NOD1: variants seen among roughly 807,000 people sequenced by gnomAD.
NOD1 encodes the protein nucleotide binding oligomerization domain containing 1, also known as nucleotide-binding oligomerization domain-containing protein 1.
In NOD1, 70 loss-of-function variants were observed where a neutral mutation model predicts 81.2. The ratio of observed to expected loss-of-function variants is 0.86; its 90% CI spans 0.71 to 1.05. The LOEUF (loss-of-function observed/expected upper bound fraction) is 1.05. Ranked by LOEUF, NOD1 falls within the 50% of genes least tolerant of loss-of-function variation. The pLI is 0.00. For missense variants in NOD1, 1,233 were observed against 1,228.0 expected, an observed-to-expected ratio of 1.00 and a Z score of -0.06; for synonymous variants, 508 against 526.9, an observed-to-expected ratio of 0.96 and a Z score of 0.49.
chr7:30,451,291 T>C lies in NOD1; in HGVS notation c.2126A>G (p.Asp709Gly), dbSNP rs1334029789. The C allele has an allele frequency of 1.9e-6, 3 of 1,614,106 alleles. No homozygotes were observed. Among genetic ancestry groups the C allele is most frequent in the Non-Finnish European group, 2.5e-6 (3 of 1,180,022 alleles). Residue 709 changes from aspartate to glycine, a missense_variant, in exon 6 of 14, where the codon GAC (aspartate) becomes GGC (glycine). Asp to Gly is a moderately conservative substitution (Grantham distance 94, BLOSUM62 -1). Coordinates refer to ENST00000222823, the MANE Select transcript of NOD1 (RefSeq NM_006092.4). This position sits in a 1 kb window ranked among gnomAD's most constrained non-coding sequence, Gnocchi z 4.2. ...GTCGTTGAGATTGTTGTTGTCTAGG[T>C]CTAGGGCCAGCCGCTTGGGGAAGTG... ...LHHFPKRLAL[D>G]LDNNNLNDYG...
At chr7:30,446,103 G>T (rs763123647) in intron 9 of NOD1, 38 bp downstream of exon 9, 1 of 1,473,186 alleles carries the variant, frequency 6.8e-7, no homozygotes. Flanking sequence ...CACACACACA[G>T]CAGGTTGTAC....
Position 30,451,106 on chromosome 7 carries a change from G to A in NOD1, c.2201+110C>T. 7.9e-7 allele frequency: 1 copy of A among 1,268,760 alleles called. No homozygotes were observed. Among genetic ancestry groups the A allele is most frequent in the Non-Finnish European group, 1.1e-6 (1 of 935,164 alleles). The allele number at this position is 1,268,760 out of a possible 1,614,324, so 78.6% of individuals were successfully genotyped here. On this transcript the variant is annotated intron_variant, in intron 6 of 13. Coordinates refer to ENST00000222823, the MANE Select transcript of NOD1 (RefSeq NM_006092.4). This position sits in a 1 kb window ranked among gnomAD's most constrained non-coding sequence, Gnocchi z 4.2. ...GAAAGAAAAGGTCTGGACATTCCAAGGGCCATGGTCATGAGTCCTGGGGGA... is the reference window on the plus strand; with the variant it reads ...GAAAGAAAAGGTCTGGACATTCCAAAGGCCATGGTCATGAGTCCTGGGGGA...
At chr7:30,450,197 G>A (rs978476432) in intron 6 of NOD1, among the ~76,000 whole-genome samples, 8 of 151,440 alleles carry the variant, frequency 5.3e-5, no homozygotes, top group Admixed American at 1.3e-4. Context: ...CCATTTGGGG[G>A]AGAAAAAAAA....
rs577883821 is a variant in NOD1 at position 30,460,687 on chromosome 7, G to A, written c.-351-646C>T. The A allele has an allele frequency of 5.0e-4, 488 of 985,426 alleles. 1 individual carries two copies. Among genetic ancestry groups the A allele is most frequent in the Admixed American group, 2.3e-3 (38 of 16,290 alleles). 61.0% of individuals were successfully genotyped at this position (985,426 alleles called of 1,614,324 possible). ...CCAAAAGCCATCTCCTGAGGCAAAGGCAGGTGGGGGTAGAGCCTGTGGGCA... is the reference window on the plus strand; with the variant it reads ...CCAAAAGCCATCTCCTGAGGCAAAGACAGGTGGGGGTAGAGCCTGTGGGCA... On this transcript the variant is annotated intron_variant, in intron 1 of 13. Transcript: ENST00000222823.
intron 9 of NOD1, among the ~76,000 whole-genome samples, chr7:30,439,615 A>T (rs1292766129): frequency 3.6e-5 from 3 of 83,500 alleles, no homozygotes; most frequent in East Asian, 3.6e-4. Flanking sequence ...ACGCCCACGG[A>T]ATCTCGCTGA....
rs577374590 is a variant in NOD1, at chr7:30,433,252, G to C, written c.2622-73C>G. On this transcript the variant is annotated intron_variant, in intron 11 of 13. Coordinates refer to ENST00000222823, the MANE Select transcript of NOD1 (RefSeq NM_006092.4). ...ACATTGTTTTAGAGTTCACAGGAGC[G>C]GGAGCTCAGCCCAAGGCTCTCCAGC... The C allele has an allele frequency of 2.5e-5, 30 of 1,221,382 alleles. 1 individual carries two copies. The highest frequency in any genetic ancestry group is 1.9e-4 in the Middle Eastern group (1 of 5,272). The allele number at this position is 1,221,382 out of a possible 1,614,324, so 75.7% of individuals were successfully genotyped here. A position where few individuals can be genotyped will look rare whatever the true frequency, so the allele number is the denominator to read the frequency against.
Position 30,437,732 on chromosome 7 carries a change from G to A in NOD1, c.2454-76C>T. ...GCTCACCCCTCCTTTTTTGCCAATGGCCACAGCTCAGTTCCTACTCAACAG... is the reference window on the plus strand; with the variant it reads ...GCTCACCCCTCCTTTTTTGCCAATGACCACAGCTCAGTTCCTACTCAACAG... On this transcript the variant is annotated intron_variant, in intron 9 of 13. Transcript: ENST00000222823. The A allele has an allele frequency of 2.9e-6, 3 of 1,025,498 alleles. No homozygotes were observed. The South Asian group carries it at 5.2e-5, about 18-fold the overall frequency. The allele number at this position is 1,025,498 out of a possible 1,614,324, so 63.5% of individuals were successfully genotyped here.
chr7:30,455,874 T>C (rs913809572), intron 4 of NOD1, among the ~76,000 whole-genome samples: 4 of 152,174 alleles, frequency 2.6e-5, no homozygotes, highest in Admixed American at 2.6e-4. Context: ...AGTGCTGGGA[T>C]TACAGGCGTG....
At chr7:30,463,219 T>C (rs1197843484) in intron 1 of NOD1, among the ~76,000 whole-genome samples, 1 of 152,212 alleles carries the variant, frequency 6.6e-6, no homozygotes, top group Non-Finnish European at 1.5e-5. Flanking sequence ...GCAACCCATA[T>C]GCTTGAAATC....
chr7:30,451,263 G>A lies in NOD1; in HGVS notation c.2154C>T (p.Tyr718=), dbSNP rs201102944. 108 of 1,614,102 alleles carry A rather than the reference G, an allele frequency of 6.7e-5. 1 individual carries two copies. The highest frequency in any genetic ancestry group is 6.4e-4 in the South Asian group (58 of 91,086). ...LDLDNNNLND[Y]GVRELQPCFS... is the part of the protein sequence containing the mutation. Reference sequence around the variant, plus strand: ...AGCAGGGCTGCAGCTCCCGCACGCCGTAGTCGTTGAGATTGTTGTTGTCTA... The same window carrying A: ...AGCAGGGCTGCAGCTCCCGCACGCCATAGTCGTTGAGATTGTTGTTGTCTA... The change falls in exon 6 of 14, where the codon TAC becomes TAT. Residue 718 remains tyrosine (Y), a synonymous_variant. Coordinates refer to ENST00000222823, the MANE Select transcript of NOD1 (RefSeq NM_006092.4). This position sits in a 1 kb window ranked among gnomAD's most constrained non-coding sequence, Gnocchi z 4.2.
At position 30,469,155 on chromosome 7, in the gene NOD1, A is replaced by G. The variant is rs544457191; in HGVS notation, c.-351-9114T>C. 8.7e-5 allele frequency: 86 copies of G among 985,392 alleles called. 1 individual carries two copies. The South Asian group carries it at 3.1e-3, about 35-fold the overall frequency. 61.0% of individuals were successfully genotyped at this position (985,392 alleles called of 1,614,324 possible). ...TTTCTTGCTTGGTTTACAATTTCTT[A>G]AGGAACTTAACCTGGAAAACAAGCC... On this transcript the variant is annotated intron_variant, in intron 1 of 13. Coordinates refer to ENST00000222823, the MANE Select transcript of NOD1 (RefSeq NM_006092.4).
chr7:30,453,082 G>A (rs1391038961), intron 5 of NOD1, 42 bp from the exon 6 acceptor site: 1 of 1,561,922 alleles, frequency 6.4e-7, no homozygotes, highest in Non-Finnish European at 8.7e-7. Flanking sequence ...AGGGTGAGGA[G>A]AGAGGCAGAA....
chr7:30,430,654 C>T (rs73309227), intron 12 of NOD1, among the ~76,000 whole-genome samples: 16,125 of 152,246 alleles, frequency 0.11, 2,036 homozygotes, highest in African/African-American at 0.31. Context: ...GAAATAAACG[C>T]ATCTGTCTGT....
In NOD1 at chr7:30,429,327, G is replaced by C. The variant is rs1302447412; in HGVS notation, c.2789+47C>G. ...TGCCTTGCACAGTCAGTGGTGGTGA[G>C]TAAACAGTCACTGGTGTTATTACTG... On this transcript the variant is annotated intron_variant, in intron 13 of 13. Coordinates refer to ENST00000222823, the MANE Select transcript of NOD1 (RefSeq NM_006092.4). The C allele has an allele frequency of 2.0e-6, 3 of 1,498,854 alleles. No homozygotes were observed. In the Admixed American group the frequency reaches 5.0e-5, roughly 25 times the overall value. 92.8% of individuals were successfully genotyped at this position (1,498,854 alleles called of 1,614,324 possible).
intron 13 of NOD1, among the ~76,000 whole-genome samples, chr7:30,426,540 T>C (rs563082130): frequency 6.6e-6 from 1 of 152,230 alleles, no homozygotes; most frequent in Admixed American, 6.5e-5. Flanking sequence ...TACTCTGGCC[T>C]TCTCCAATTC....
rs1789038277 is a variant in NOD1, at chr7:30,478,601, C to T, written c.-352+5G>A. The T allele has an allele frequency of 6.6e-6, 1 of 152,372 alleles. No homozygotes were observed. The highest frequency in any genetic ancestry group is 2.4e-5 in the African/African-American group (1 of 41,474). The allele number at this position is 152,372 out of a possible 1,614,324, so 9.4% of individuals were successfully genotyped here. A position where few individuals can be genotyped will look rare whatever the true frequency, so the allele number is the denominator to read the frequency against. The stretch of plus-strand genomic sequence containing the variant: ...CCGCGCGAATCCCCAGTCGCTGGGA[C>T]TTACTTGGCCACCAGGTTTACAGAC... On this transcript the variant is annotated splice_donor_5th_base_variant and intron_variant, in intron 1 of 13. Coordinates refer to ENST00000222823, the MANE Select transcript of NOD1 (RefSeq NM_006092.4). This position sits in a 1 kb window ranked among gnomAD's most constrained non-coding sequence, Gnocchi z 4.1.
At position 30,451,341 on chromosome 7, in the gene NOD1, G is replaced by A. The variant is rs764025162; in HGVS notation, c.2076C>T (p.Cys692=). 8 of 1,614,090 alleles carry A rather than the reference G, an allele frequency of 5.0e-6. No homozygotes were observed. The highest frequency in any genetic ancestry group is 3.3e-5 in the Admixed American group (2 of 60,014). The change falls in exon 6 of 14, where the codon TGC becomes TGT. Residue 692 remains cysteine, a synonymous_variant. Transcript: ENST00000222823. This position sits in a 1 kb window ranked among gnomAD's most constrained non-coding sequence, Gnocchi z 4.2. The stretch of plus-strand genomic sequence containing the variant: ...GATGCAGGACGAAGGAGAGGGCGCT[G>A]CAGTCGGCCGAGCAGGCGTTGCAGT... The part of the protein sequence containing the change: ...LTYCNACSAD[C]SALSFVLHHF...
intron 7 of NOD1, chr7:30,447,684 C>G (rs549622657): frequency 6.4e-6 from 1 of 155,754 alleles, no homozygotes; most frequent in Non-Finnish European, 1.4e-5. Flanking sequence ...GCAGAGCCAC[C>G]AGTTGTGTGG....
intron 5 of NOD1, among the ~76,000 whole-genome samples, chr7:30,453,428 ACTG>A (rs1391783670): frequency 2.0e-5 from 3 of 151,844 alleles, no homozygotes; most frequent in Non-Finnish European, 4.4e-5. Flanking sequence ...CTCCACCAAC[ACTG>A]CTTTTTTGTT....
Sources: gnomAD v4.1 joint callset for allele counts (sites outside exome capture counted in the v4.1 genomes callset) on GRCh38, gnomAD v4.1.1 for gene constraint, Gnocchi (gnomAD v3.1) non-coding constraint, MANE v1.5 for transcripts, NCBI Gene and HGNC (gene_info 2026-07-23, HGNC 2026-07-21) for gene names.